Variants in LMBR1 observed in about 807,000 individuals in gnomAD.
The protein encoded by LMBR1 is limb region 1 protein homolog.
Under a neutral mutation model 73.9 loss-of-function variants are expected in LMBR1, and 52 were observed. The ratio of observed to expected loss-of-function variants is 0.70; its 90% CI spans 0.56 to 0.89. The LOEUF is 0.89. Ranked by LOEUF, LMBR1 falls within the 40% of genes least tolerant of loss-of-function variation. The probability of loss-of-function intolerance (pLI) is 0.00; values close to 1 mark genes in which losing one functional copy is unlikely to be tolerated. For missense variants in LMBR1, 539 were observed against 579.8 expected (o/e 0.93, Z 0.72); for synonymous variants, 215 against 209.4 (o/e 1.03, Z -0.23).
chr7:156,836,202 C>T (rs997563975), intron 2 of LMBR1, among the ~76,000 whole-genome samples: 2 of 152,114 alleles, frequency 1.3e-5, no homozygotes, highest in African/African-American at 4.8e-5. Context: ...ACATCACAAG[C>T]AGATAATCCT....
intron 9 of LMBR1, among the ~76,000 whole-genome samples, chr7:156,741,022 G>C (rs1168471299): frequency 6.6e-6 from 1 of 152,132 alleles, no homozygotes; most frequent in Non-Finnish European, 1.5e-5. Context: ...CGAAGTTAAA[G>C]TGTAGAGTCT....
chr7:156,758,134 C>T (rs1312898744), intron 8 of LMBR1, among the ~76,000 whole-genome samples: 1 of 152,168 alleles, frequency 6.6e-6, no homozygotes, highest in African/African-American at 2.4e-5. Context: ...GTGAGCTACT[C>T]CCGAGGAGAA....
At position 156,725,508 on chromosome 7, in the gene LMBR1, G is replaced by C. The variant is rs1364369738; in HGVS notation, c.1085C>G (p.Ser362Cys). 6.2e-7 allele frequency: 1 copy of C among 1,605,538 alleles called. No individual in the cohort carries two copies. Residue 362 changes from serine to cysteine, a missense_variant, in exon 14 of 17, where the codon TCT (serine) becomes TGT (cysteine). Ser to Cys is a moderately radical substitution (Grantham distance 112). Transcript: ENST00000353442. The part of the protein sequence containing the change: ...IILIFYLMVS[S>C]VVGFYSLRFF... ...TCGAAGGCTATAGAAGCCGACAACA[G>C]AGGACACCATAAGATAGCTGTGAGA...
At chr7:156,718,477 A>G (rs1279638363) in intron 15 of LMBR1, among the ~76,000 whole-genome samples, 1 of 152,002 alleles carries the variant, frequency 6.6e-6, no homozygotes, top group Non-Finnish European at 1.5e-5. Flanking sequence ...AAATCTCAGC[A>G]CTTTAGGAGG....
At position 156,680,940 on chromosome 7, in the gene LMBR1, C is replaced by G; in HGVS notation, c.*3138G>C. On this transcript the variant is annotated 3_prime_UTR_variant, in exon 17 of 17. Coordinates refer to ENST00000353442, the MANE Select transcript of LMBR1 (RefSeq NM_022458.4). ...TTAAAAAGTCACACTAAAAGTATCTCATAGAAACAAAGACTAACAATTTGT... is the reference window on the plus strand; with the variant it reads ...TTAAAAAGTCACACTAAAAGTATCTGATAGAAACAAAGACTAACAATTTGT... The G allele has an allele frequency of 7.3e-6, 2 of 272,972 alleles. No homozygotes were observed. The highest frequency in any genetic ancestry group is 6.9e-5 in the South Asian group (2 of 28,986). 16.9% of individuals were successfully genotyped at this position (272,972 alleles called of 1,614,324 possible). A position where few individuals can be genotyped will look rare whatever the true frequency, so the allele number is the denominator to read the frequency against.
intron 10 of LMBR1, among the ~76,000 whole-genome samples, chr7:156,732,709 C>T (rs958076081): frequency 3.9e-5 from 6 of 152,146 alleles, no homozygotes; most frequent in African/African-American, 1.4e-4. Context: ...AAGGGTCTTG[C>T]CTGAGCAGTG....
At chr7:156,834,249 C>T (rs1837211374) in intron 2 of LMBR1, among the ~76,000 whole-genome samples, 2 of 152,066 alleles carry the variant, frequency 1.3e-5, no homozygotes, top group South Asian at 4.1e-4. Flanking sequence ...CAAGGAGTCT[C>T]CTGGACCATC....
intron 9 of LMBR1, among the ~76,000 whole-genome samples, chr7:156,737,661 T>C (rs1245252685): frequency 6.7e-6 from 1 of 148,480 alleles, no homozygotes; most frequent in African/African-American, 2.4e-5. Flanking sequence ...CTAATCTTTT[T>C]GCTATGTTAT....
chr7:156,791,637 T>C (rs973220729), intron 5 of LMBR1, among the ~76,000 whole-genome samples: 1 of 152,218 alleles, frequency 6.6e-6, no homozygotes, highest in Non-Finnish European at 1.5e-5. Context: ...CACAGAACTC[T>C]TCGCTTCCAC....
At chr7:156,873,274 T>TA (rs1433000972) in intron 1 of LMBR1, among the ~76,000 whole-genome samples, 1 of 152,060 alleles carries the variant, frequency 6.6e-6, no homozygotes, top group Non-Finnish European at 1.5e-5. Context: ...TTACAGCTCT[T>TA]AAGGCAGCGC....
intron 10 of LMBR1, among the ~76,000 whole-genome samples, chr7:156,729,841 C>G (rs1050277849): frequency 6.6e-6 from 1 of 152,158 alleles, no homozygotes; most frequent in African/African-American, 2.4e-5. Context: ...CTACTTTTAC[C>G]TATAACACCA....
chr7:156,696,181 G>C (rs1204613556), intron 15 of LMBR1, among the ~76,000 whole-genome samples: 2 of 152,080 alleles, frequency 1.3e-5, no homozygotes, highest in Non-Finnish European at 2.9e-5. Context: ...GACATCAAAA[G>C]CACAATCCAT....
chr7:156,675,788 A>C (rs927952603), downstream of LMBR1: 12 of 1,614,006 alleles, frequency 7.4e-6, no homozygotes, highest in African/African-American at 1.6e-4. Flanking sequence ...CCATAAATCG[A>C]AGTGTTCTTC....
chr7:156,676,090 C>T (rs1803933613), downstream of LMBR1, among the ~76,000 whole-genome samples: 1 of 151,796 alleles, frequency 6.6e-6, no homozygotes, highest in South Asian at 2.1e-4. Flanking sequence ...CCTAGCTGCC[C>T]CTGCACCTGT....
intron 9 of LMBR1, among the ~76,000 whole-genome samples, chr7:156,737,022 G>A (rs1264549357): frequency 6.6e-6 from 1 of 152,012 alleles, no homozygotes; most frequent in Non-Finnish European, 1.5e-5. Context: ...CTTTCACCCC[G>A]GGACTGCCTG....
intron 1 of LMBR1, among the ~76,000 whole-genome samples, chr7:156,867,403 C>T (rs1798616737): frequency 6.6e-6 from 1 of 152,218 alleles, no homozygotes; most frequent in Non-Finnish European, 1.5e-5. Flanking sequence ...CGCAGCATGT[C>T]CACCCCTAGG....
rs1454931343 is a variant in LMBR1 at position 156,685,394 on chromosome 7, C to T, written c.1388-1231G>A. 1.3e-5 allele frequency among the ~76,000 whole-genome samples: 2 copies of T among 152,174 alleles called. No homozygotes were observed. The highest frequency in any genetic ancestry group is 2.9e-5 in the Non-Finnish European group (2 of 68,030). Reference sequence around the variant, plus strand: ...GAATGCATTCTGAGAAATGCGCTGTCGAGCGATTCTGTCGCTGTGATGCCA... The same window carrying T: ...GAATGCATTCTGAGAAATGCGCTGTTGAGCGATTCTGTCGCTGTGATGCCA... On this transcript the variant is annotated intron_variant, in intron 16 of 16. Transcript: ENST00000353442. This position sits in a 1 kb window ranked among gnomAD's most constrained non-coding sequence, Gnocchi z 4.1.
rs867219160 is a variant in LMBR1, at chr7:156,684,136, G to A, written c.1415C>T (p.Thr472Ile). 1.1e-5 allele frequency: 17 copies of A among 1,614,022 alleles called. No individual in the cohort carries two copies. In the Middle Eastern group the frequency reaches 4.9e-4, roughly 47 times the overall value. ...CTTGGCTGTTTCTGAATCCCTTGAA[G>A]TATTTGGTAAGTGAAGTTTATGAAG... is the stretch of plus-strand genomic sequence containing the variant. ...LGLHKLHLPN[T>I]SRDSETAKPS... Residue 472 changes from threonine to isoleucine, a missense_variant, in exon 17 of 17, where the codon ACT becomes ATT. Physicochemically the swap from Thr to Ile is moderately conservative, Grantham distance 89. This residue lies in a region of LMBR1 where 69 missense variants were observed against 68.5 expected (regional missense o/e 1.01). Transcript: ENST00000353442.
chr7:156,677,814 A>G lies in LMBR1; in HGVS notation c.*6264T>C, dbSNP rs896045861. 6.6e-6 allele frequency: 1 copy of G among 152,230 alleles called. No individual in the cohort carries two copies. The highest frequency in any genetic ancestry group is 6.5e-5 in the Admixed American group (1 of 15,280). The allele number at this position is 152,230 out of a possible 1,614,324, so 9.4% of individuals were successfully genotyped here. On this transcript the variant is annotated 3_prime_UTR_variant, in exon 17 of 17. Transcript: ENST00000353442. ...CATTTTTTAAGGATGTATACTATCAAAAAATTTGCAGACTAATTTGGAGAA... is the reference window on the plus strand; with the variant it reads ...CATTTTTTAAGGATGTATACTATCAGAAAATTTGCAGACTAATTTGGAGAA...
Sources: gnomAD v4.1 joint callset for allele counts (sites outside exome capture counted in the v4.1 genomes callset) on GRCh38, gnomAD v4.1.1 for gene constraint, gnomAD v4.1.1 regional missense constraint, Gnocchi (gnomAD v3.1) non-coding constraint, MANE v1.5 for transcripts, NCBI Gene and HGNC (gene_info 2026-07-23, HGNC 2026-07-21) for gene names.